The following ABHD5 variants were observed in gnomAD, a reference collection of about 807,000 sequenced individuals.
The protein encoded by ABHD5 is 1-acylglycerol-3-phosphate O-acyltransferase ABHD5.
In ABHD5, 30 loss-of-function variants were observed where a neutral mutation model predicts 44.9. The observed-to-expected ratio is 0.67, with a 90% CI of 0.50 to 0.91. The LOEUF (loss-of-function observed/expected upper bound fraction) is 0.91, where lower values mean the gene tolerates loss of function less well. ABHD5 is among the 40% of genes least tolerant of loss of function. The probability of loss-of-function intolerance (pLI) is 0.00; values close to 1 mark genes in which losing one functional copy is unlikely to be tolerated. For synonymous variants in ABHD5, 167 were observed against 147.0 expected, an observed-to-expected ratio of 1.14 and a Z score of -0.99; for missense variants, 399 against 423.4, an observed-to-expected ratio of 0.94 and a Z score of 0.50.
In ABHD5 at chr3:43,718,585, A is replaced by G. The variant is rs922236119; in HGVS notation, c.*53A>G. ...TGGTGACTGATATAGTTGTTCAGCAATAATTCATAGTCTGTGATGAAGAGT... is the reference window on the plus strand; with the variant it reads ...TGGTGACTGATATAGTTGTTCAGCAGTAATTCATAGTCTGTGATGAAGAGT... On this transcript the variant is annotated 3_prime_UTR_variant, in exon 7 of 7. Coordinates refer to ENST00000644371, the MANE Select transcript of ABHD5 (RefSeq NM_016006.6). 3 of 1,529,026 alleles carry G rather than the reference A, an allele frequency of 2.0e-6. No homozygotes were observed. The highest frequency in any genetic ancestry group is 2.7e-6 in the Non-Finnish European group (3 of 1,102,618). The allele number at this position is 1,529,026 out of a possible 1,614,324, so 94.7% of individuals were successfully genotyped here.
In ABHD5 at chr3:43,715,452, C is replaced by T. The variant is rs577721202; in HGVS notation, c.773+394C>T. ...TGTTGGGATTACAGGTGTGAGCCAC[C>T]GTGCCCGGCCTTTGTTTAAAATATA... On this transcript the variant is annotated intron_variant, in intron 5 of 6. Transcript: ENST00000644371. Among the ~76,000 whole-genome samples the T allele has an allele frequency of 5.5e-3, 830 of 152,178 alleles. 3 individuals are homozygous for T. Among genetic ancestry groups the T allele is most frequent in the African/African-American group, 6.8e-3 (284 of 41,530 alleles).
downstream of ABHD5, among the ~76,000 whole-genome samples, chr3:43,724,377 G>T (rs1406871006): frequency 6.6e-6 from 1 of 151,998 alleles, no homozygotes; most frequent in African/African-American, 2.4e-5. Flanking sequence ...TGTAATAGGT[G>T]CAACCCCTTT....
chr3:43,706,535 A>G (rs2084622313), intron 3 of ABHD5, among the ~76,000 whole-genome samples: 1 of 151,162 alleles, frequency 6.6e-6, no homozygotes, highest in Admixed American at 6.6e-5. Flanking sequence ...TGGCGCAATC[A>G]TAGCTCACTG....
intron 2 of ABHD5, chr3:43,701,923 C>A (rs530838100): frequency 1.0e-5 from 3 of 296,760 alleles, no homozygotes; most frequent in Admixed American, 4.7e-5. Context: ...AGTATAATAC[C>A]CTCATTTGAC....
intron 4 of ABHD5, among the ~76,000 whole-genome samples, chr3:43,713,391 G>T (rs1471663669): frequency 1.3e-5 from 2 of 151,620 alleles, no homozygotes; most frequent in Non-Finnish European, 2.9e-5. Context: ...TGAGAAAAGA[G>T]AAGAGGCATG....
intron 1 of ABHD5, 88 bp downstream of exon 1, chr3:43,691,127 A>G (rs1371232451): frequency 4.6e-6 from 6 of 1,293,874 alleles, no homozygotes; most frequent in African/African-American, 4.6e-5. Flanking sequence ...AGCACCAAGG[A>G]GTCGCCGCCC....
Position 43,695,791 on chromosome 3 carries a change from A to G in ABHD5, c.48-3485A>G, listed in dbSNP as rs567809813. Among the ~76,000 whole-genome samples the G allele has an allele frequency of 1.5e-4, 23 of 152,326 alleles. No homozygotes were observed. The South Asian group carries it at 2.5e-3, about 16-fold the overall frequency. ...AAAGTTAATGGAAAAAGTGGTGTCTATCTCTCACTCAGGATACTTAAAGTC... is the reference window on the plus strand; with the variant it reads ...AAAGTTAATGGAAAAAGTGGTGTCTGTCTCTCACTCAGGATACTTAAAGTC... On this transcript the variant is annotated intron_variant, in intron 1 of 6. Coordinates refer to ENST00000644371, the MANE Select transcript of ABHD5 (RefSeq NM_016006.6).
intron 1 of ABHD5, among the ~76,000 whole-genome samples, chr3:43,698,105 A>G (rs1360191145): frequency 1.3e-5 from 2 of 152,224 alleles, no homozygotes; most frequent in African/African-American, 4.8e-5. Flanking sequence ...ATGTTGGTAC[A>G]CAACCCTTCC....
At chr3:43,691,088 C>A in intron 1 of ABHD5, 49 bp downstream of exon 1, 2 of 1,498,738 alleles carry the variant, frequency 1.3e-6, no homozygotes, top group Non-Finnish European at 1.8e-6. Flanking sequence ...GCGCACCCTC[C>A]GCGCGGGCCG....
chr3:43,718,302 GATT>G (rs2084793426), intron 6 of ABHD5, 138 bp from the exon 7 acceptor site: 1 of 759,022 alleles, frequency 1.3e-6, no homozygotes. Context: ...AGTTACTATA[GATT>G]ATTGTTATTT....
chr3:43,707,046 A>C (rs1468678907), intron 3 of ABHD5, among the ~76,000 whole-genome samples: 2 of 152,224 alleles, frequency 1.3e-5, no homozygotes, highest in Non-Finnish European at 2.9e-5. Context: ...TAAAGAACAA[A>C]TAAAAGCTGA....
At chr3:43,717,959 G>GAGCCATACC (rs2084788903) in intron 6 of ABHD5, 102 bp downstream of exon 6, 2 of 1,464,386 alleles carry the variant, frequency 1.4e-6, no homozygotes, top group Non-Finnish European at 1.9e-6. Context: ...CAGGTCATCT[G>GAGCCATACC]AGCCATACCT....
chr3:43,706,196 A>G (rs972459419), intron 3 of ABHD5, among the ~76,000 whole-genome samples: 4 of 152,154 alleles, frequency 2.6e-5, no homozygotes, highest in African/African-American at 9.7e-5. Context: ...CTCTGGTGCA[A>G]TAGAGCAGTC....
At position 43,705,798 on chromosome 3, in the gene ABHD5, G is replaced by A. The variant is rs368615197; in HGVS notation, c.506+3211G>A. On this transcript the variant is annotated intron_variant, in intron 3 of 6. Coordinates refer to ENST00000644371, the MANE Select transcript of ABHD5 (RefSeq NM_016006.6). Reference sequence around the variant, plus strand: ...TCTTGTCTTTTCTGCAAGGTGCATCGTCTCCTTTGGTGCCCTTTGGTCTTG... The same window carrying A: ...TCTTGTCTTTTCTGCAAGGTGCATCATCTCCTTTGGTGCCCTTTGGTCTTG... Among the ~76,000 whole-genome samples the A allele has an allele frequency of 5.2e-4, 79 of 152,152 alleles. No homozygotes were observed. The South Asian group carries it at 0.015, about 29-fold the overall frequency.
downstream of ABHD5, among the ~76,000 whole-genome samples, chr3:43,727,337 A>G (rs982225136): frequency 3.9e-4 from 59 of 152,222 alleles, no homozygotes; most frequent in African/African-American, 1.4e-3. Context: ...CAGGTGGGTT[A>G]GTCCCCATTG....
chr3:43,703,310 C>T (rs936095358), intron 3 of ABHD5, among the ~76,000 whole-genome samples: 38 of 151,964 alleles, frequency 2.5e-4, no homozygotes, highest in African/African-American at 8.5e-4. Flanking sequence ...CTTTGAATAG[C>T]TGTGACTACA....
At chr3:43,717,205 T>A (rs1048130425) in intron 5 of ABHD5, among the ~76,000 whole-genome samples, 4 of 148,882 alleles carry the variant, frequency 2.7e-5, no homozygotes, top group Non-Finnish European at 3.0e-5. Context: ...AAAAAAAAAA[T>A]GAATAGCAGA....
chr3:43,709,084 T>A (rs1477155884), intron 3 of ABHD5, among the ~76,000 whole-genome samples: 1 of 152,228 alleles, frequency 6.6e-6, no homozygotes, highest in East Asian at 1.9e-4. Context: ...TATGCTATGA[T>A]TATACTTTAT....
At chr3:43,715,087 GT>G in intron 5 of ABHD5, 29 bp downstream of exon 5, 1 of 633,862 alleles carries the variant, frequency 1.6e-6, no homozygotes, top group East Asian at 4.1e-5. Flanking sequence ...AATTCACTCT[GT>G]GTGTGTGTGT....
Sources: allele counts gnomAD v4.1 joint callset (sites outside exome capture counted in the v4.1 genomes callset), GRCh38; gene constraint gnomAD v4.1.1; transcripts MANE v1.5; gene names NCBI Gene and HGNC (gene_info 2026-07-23, HGNC 2026-07-21).